Variants in WNT9B observed in about 807,000 individuals in gnomAD.
WNT9B encodes protein Wnt-9b.
WNT9B carries 12 observed loss-of-function variants against 30.2 expected under a neutral mutation model. The ratio of observed to expected loss-of-function variants is 0.40; its 90% confidence interval spans 0.26 to 0.64. The LOEUF is 0.64. WNT9B is among the 30% of genes least tolerant of loss of function. WNT9B has a pLI of 0.42. For synonymous variants in WNT9B, 218 were observed against 216.9 expected (o/e 1.01, Z -0.05); for missense variants, 442 against 485.2 (o/e 0.91, Z 0.84).
chr17:46,854,007 G>GA (rs149518051), intron 1 of WNT9B, among the ~76,000 whole-genome samples: 12,650 of 152,182 alleles, frequency 0.083, 594 homozygotes, highest in Non-Finnish European at 0.1. Flanking sequence ...GGTTAGGGCT[G>GA]AGAGGGATGA....
At chr17:46,850,339 T>G (rs748326154), upstream of WNT9B, among the ~76,000 whole-genome samples, 1 of 152,224 alleles carries the variant, frequency 6.6e-6, no homozygotes, top group Non-Finnish European at 1.5e-5. Flanking sequence ...TCAGATCATG[T>G]AATCACTGCG....
rs1365934812 is a variant in WNT9B, at chr17:46,865,984, A to G, written c.78-6533A>G. On this transcript the variant is annotated intron_variant, in intron 1 of 3. Transcript: ENST00000290015. ...TAGAGGTATAAATGAATGAGCGAGT[A>G]AGTGAAAAGAGGGGGTGGAGAGAGT... Among the ~76,000 whole-genome samples, 4 of 152,192 alleles carry G rather than the reference A, an allele frequency of 2.6e-5. No homozygotes were observed. In the East Asian group the frequency reaches 7.7e-4, roughly 29 times the overall value.
chr17:46,836,141 T>TG (rs1297268914), intron 1 of WNT9B, among the ~76,000 whole-genome samples: 2 of 149,968 alleles, frequency 1.3e-5, no homozygotes, highest in Admixed American at 6.7e-5. Context: ...TGTGTCTCGG[T>TG]TGTGGTGGTG....
At chr17:46,876,147 T>A in intron 3 of WNT9B, 98 bp from the exon 4 acceptor site, 1 of 1,187,146 alleles carries the variant, frequency 8.4e-7, no homozygotes, top group Non-Finnish European at 1.2e-6. Flanking sequence ...TCTTTCCCAT[T>A]CTCCTGCCTC....
At chr17:46,883,308 G>T (rs1253730805), downstream of WNT9B, among the ~76,000 whole-genome samples, 1 of 141,270 alleles carries the variant, frequency 7.1e-6, no homozygotes, top group Non-Finnish European at 1.5e-5. Flanking sequence ...TTGTGAGATG[G>T]AGTCTCGCTT....
chr17:46,863,842 C>A (rs935665795), intron 1 of WNT9B, among the ~76,000 whole-genome samples: 55 of 152,142 alleles, frequency 3.6e-4, no homozygotes, highest in Admixed American at 3.6e-3. Flanking sequence ...CCCAAGGGAG[C>A]CGCTCACAAC....
chr17:46,860,240 G>A (rs1453424093), intron 1 of WNT9B, among the ~76,000 whole-genome samples: 2 of 152,182 alleles, frequency 1.3e-5, no homozygotes, highest in South Asian at 2.1e-4. Context: ...CGGGAAGGAG[G>A]AGAGGAGGGA....
rs1245996118 is a variant in WNT9B at position 46,841,618 on chromosome 17, A to G, written c.95+8178A>G. 7.2e-5 allele frequency among the ~76,000 whole-genome samples: 11 copies of G among 151,786 alleles called. No homozygotes were observed. The East Asian group carries it at 2.0e-3, about 27-fold the overall frequency. ...GGAGAAGGGAGCGCTGGGGGCTGCA[A>G]TGCCAGAGGATTCCTTGAGGAGAAG... On this transcript the variant is annotated intron_variant, in intron 1 of 2. Transcript: ENST00000575372.
intron 1 of WNT9B, among the ~76,000 whole-genome samples, chr17:46,868,806 G>C (rs1428828346): frequency 6.6e-6 from 1 of 152,128 alleles, no homozygotes; most frequent in Non-Finnish European, 1.5e-5. Flanking sequence ...TCTTCCAGGG[G>C]ATGACGTTGT....
At chr17:46,841,149 A>C (rs1208236721) in intron 1 of WNT9B, among the ~76,000 whole-genome samples, 2 of 152,228 alleles carry the variant, frequency 1.3e-5, no homozygotes, top group Non-Finnish European at 2.9e-5. Flanking sequence ...CAAATTTACC[A>C]TTTATTGAGC....
In WNT9B at chr17:46,851,666, G is replaced by GC; in HGVS notation, c.30dup (p.Gly11ArgfsTer46). 1.5e-6 allele frequency: 2 copies of GC among 1,304,062 alleles called. No individual in the cohort carries two copies. Among genetic ancestry groups the GC allele is most frequent in the Non-Finnish European group, 1.9e-6 (2 of 1,030,300 alleles). The allele number at this position is 1,304,062 out of a possible 1,614,324, so 80.8% of individuals were successfully genotyped here. Reference sequence around the variant, plus strand: ...GCGCCCCCCGCCCGCGCTGGCCCTGGCCGGGCTCTGCCTGCTGGCGCTGCC... The same window carrying GC: ...GCGCCCCCCGCCCGCGCTGGCCCTGGCCCGGGCTCTGCCTGCTGGCGCTGCC... On this transcript the variant is annotated frameshift_variant, in exon 1 of 4. Transcript: ENST00000290015. LOFTEE classifies it high-confidence loss of function. The surrounding 1 kb of genome is among the most constrained non-coding windows in gnomAD (Gnocchi z 4.3).
chr17:46,841,892 G>A (rs377691269), intron 1 of WNT9B, among the ~76,000 whole-genome samples: 3 of 152,230 alleles, frequency 2.0e-5, no homozygotes, highest in Admixed American at 6.5e-5. Flanking sequence ...GCTCCTCTGC[G>A]GTGTGTGGGG....
chr17:46,868,372 A>T (rs2085176993), intron 1 of WNT9B, among the ~76,000 whole-genome samples: 1 of 152,022 alleles, frequency 6.6e-6, no homozygotes, highest in Non-Finnish European at 1.5e-5. Context: ...TGGGCGGATC[A>T]CATGAGGTCA....
At chr17:46,848,533 C>T (rs1421232576), upstream of WNT9B, among the ~76,000 whole-genome samples, 1 of 152,240 alleles carries the variant, frequency 6.6e-6, no homozygotes, top group Non-Finnish European at 1.5e-5. Flanking sequence ...TCTTCATGTC[C>T]TTCCTCAGGG....
intron 1 of WNT9B, among the ~76,000 whole-genome samples, chr17:46,865,656 C>A (rs142965952): frequency 3.9e-5 from 6 of 152,200 alleles, no homozygotes; most frequent in African/African-American, 1.4e-4. Flanking sequence ...CACTCTGTCA[C>A]CCAGGCTGGA....
At chr17:46,848,330 C>T (rs1378706642), upstream of WNT9B, among the ~76,000 whole-genome samples, 1 of 152,164 alleles carries the variant, frequency 6.6e-6, no homozygotes, top group African/African-American at 2.4e-5. Context: ...CATAAAAAGG[C>T]CACAAACCAG....
intron 1 of WNT9B, among the ~76,000 whole-genome samples, chr17:46,842,968 GA>G (rs2084733368): frequency 6.6e-6 from 1 of 152,184 alleles, no homozygotes; most frequent in Non-Finnish European, 1.5e-5. Context: ...CCAGAGACAA[GA>G]TTTTAAGTTA....
chr17:46,862,759 T>C (rs562298766), intron 1 of WNT9B, among the ~76,000 whole-genome samples: 68 of 152,232 alleles, frequency 4.5e-4, no homozygotes, highest in African/African-American at 1.6e-3. Context: ...ATTTTTTGTA[T>C]CTTTAGTAGA....
rs1446002272 is a variant in WNT9B, at chr17:46,851,795, C to T, written c.77+80C>T. ...TGCGCTACAGCTGGGCCAATTTTTCCCTCCCGCTGTCCTTGGCCCCGCCGA... is the reference window on the plus strand; with the variant it reads ...TGCGCTACAGCTGGGCCAATTTTTCTCTCCCGCTGTCCTTGGCCCCGCCGA... On this transcript the variant is annotated intron_variant, in intron 1 of 3. Transcript: ENST00000290015. This position sits in a 1 kb window ranked among gnomAD's most constrained non-coding sequence, Gnocchi z 4.3. The T allele has an allele frequency of 4.1e-6, 3 of 737,964 alleles. No individual in the cohort carries two copies. The highest frequency in any genetic ancestry group is 5.6e-6 in the Non-Finnish European group (3 of 531,578). 45.7% of individuals were successfully genotyped at this position (737,964 alleles called of 1,614,324 possible). A position where few individuals can be genotyped will look rare whatever the true frequency, so the allele number is the denominator to read the frequency against.
Sources: gnomAD v4.1 joint callset for allele counts (sites outside exome capture counted in the v4.1 genomes callset) on GRCh38, gnomAD v4.1.1 for gene constraint, Gnocchi (gnomAD v3.1) non-coding constraint, MANE v1.5 for transcripts, NCBI Gene and HGNC (gene_info 2026-07-23, HGNC 2026-07-21) for gene names.